TEAD1: variants seen among roughly 807,000 people sequenced by gnomAD.
TEAD1 encodes transcriptional enhancer factor TEF-1.
In TEAD1, 9 loss-of-function variants were observed where a neutral mutation model predicts 54.9. The ratio of observed to expected loss-of-function variants is 0.16; its 90% confidence interval spans 0.10 to 0.29. The LOEUF is 0.29. TEAD1 is among the 10% of genes least tolerant of loss of function. The pLI, the probability that TEAD1 is intolerant of heterozygous loss-of-function variation, is 1.00. For synonymous variants in TEAD1, 200 were observed against 187.8 expected (o/e 1.07, Z -0.53); for missense variants, 387 against 535.9 (o/e 0.72, Z 2.74).
chr11:12,685,401 A>G (rs1324737636), intron 2 of TEAD1, among the ~76,000 whole-genome samples: 11 of 152,192 alleles, frequency 7.2e-5, no homozygotes, highest in Admixed American at 7.2e-4. Context: ...CAAAAGGGTG[A>G]ACTTTATGGT....
At chr11:12,677,625 C>T (rs954853919) in intron 2 of TEAD1, among the ~76,000 whole-genome samples, 2 of 152,066 alleles carry the variant, frequency 1.3e-5, no homozygotes, top group Admixed American at 6.5e-5. Context: ...CATTTCTTAA[C>T]GGGAACGTTT....
At chr11:12,877,049 T>C (rs1174498983) in intron 5 of TEAD1, among the ~76,000 whole-genome samples, 1 of 151,882 alleles carries the variant, frequency 6.6e-6, no homozygotes, top group Non-Finnish European at 1.5e-5. Context: ...ATGTTTCAAA[T>C]CTTAAAAAAA....
chr11:12,887,183 G>A (rs531689970), intron 9 of TEAD1, among the ~76,000 whole-genome samples: 7 of 145,454 alleles, frequency 4.8e-5, no homozygotes, highest in African/African-American at 1.5e-4. Flanking sequence ...TGCAAGCTCC[G>A]CCTCCCAGGT....
At chr11:12,781,968 A>AAG (rs1945558433) in intron 3 of TEAD1, among the ~76,000 whole-genome samples, 1 of 135,544 alleles carries the variant, frequency 7.4e-6, no homozygotes, top group African/African-American at 3.7e-5. Flanking sequence ...AAAAAAAAAA[A>AAG]AAAGAAAGAA....
chr11:12,860,108 G>A (rs2134064654), intron 3 of TEAD1, among the ~76,000 whole-genome samples: 1 of 152,276 alleles, frequency 6.6e-6, no homozygotes, highest in East Asian at 1.9e-4. Flanking sequence ...AAGTAACACA[G>A]GAGGTTTAGC....
At chr11:12,876,753 T>TGG (rs1947861190) in intron 5 of TEAD1, among the ~76,000 whole-genome samples, 1 of 152,156 alleles carries the variant, frequency 6.6e-6, no homozygotes, top group Non-Finnish European at 1.5e-5. Context: ...TTGAGTGGCT[T>TGG]GGGGGCTGGA....
intron 3 of TEAD1, among the ~76,000 whole-genome samples, chr11:12,802,329 G>C (rs960117356): frequency 1.3e-5 from 2 of 152,038 alleles, no homozygotes; most frequent in Admixed American, 1.3e-4. Flanking sequence ...TCGAAATATG[G>C]AATAATGATG....
intron 2 of TEAD1, among the ~76,000 whole-genome samples, chr11:12,721,764 T>C (rs1306907601): frequency 2.0e-5 from 3 of 152,334 alleles, no homozygotes; most frequent in Middle Eastern, 3.4e-3. Context: ...CCTAACTCTT[T>C]AGGGTTAAAT....
At chr11:12,908,057 C>T (rs753744852) in intron 10 of TEAD1, among the ~76,000 whole-genome samples, 3 of 152,140 alleles carry the variant, frequency 2.0e-5, no homozygotes, top group African/African-American at 7.2e-5. Flanking sequence ...TTATTATGTT[C>T]TGATTTTTTT....
At chr11:12,850,152 T>TG (rs1947243004) in intron 3 of TEAD1, among the ~76,000 whole-genome samples, 1 of 152,186 alleles carries the variant, frequency 6.6e-6, no homozygotes, top group Non-Finnish European at 1.5e-5. Flanking sequence ...GTTAAAGAAC[T>TG]GGGCCAGGTG....
At chr11:12,797,245 G>C (rs1263873210) in intron 3 of TEAD1, among the ~76,000 whole-genome samples, 3 of 152,166 alleles carry the variant, frequency 2.0e-5, no homozygotes, top group Non-Finnish European at 2.9e-5. Context: ...ATTGTGTTCA[G>C]ACCATCTTGC....
At chr11:12,861,365 T>C (rs547609976) in intron 3 of TEAD1, among the ~76,000 whole-genome samples, 2 of 152,236 alleles carry the variant, frequency 1.3e-5, no homozygotes, top group Non-Finnish European at 2.9e-5. Context: ...CCCCAGAAGG[T>C]TATATAACTT....
At chr11:12,687,485 T>C (rs1943358255) in intron 2 of TEAD1, among the ~76,000 whole-genome samples, 1 of 152,232 alleles carries the variant, frequency 6.6e-6, no homozygotes, top group Admixed American at 6.5e-5. Context: ...ATCACACAGC[T>C]GCACTTTAAA....
chr11:12,859,709 T>C (rs1455093912), intron 3 of TEAD1, among the ~76,000 whole-genome samples: 2 of 152,158 alleles, frequency 1.3e-5, no homozygotes, highest in African/African-American at 4.8e-5. Flanking sequence ...TGAGAAGATC[T>C]TGCAGGCAGG....
intron 2 of TEAD1, among the ~76,000 whole-genome samples, chr11:12,702,256 A>G (rs1943719479): frequency 6.6e-6 from 1 of 152,180 alleles, no homozygotes; most frequent in Admixed American, 6.5e-5. Flanking sequence ...GTATCAGGCC[A>G]CAGCGGTGCA....
At chr11:12,885,525 C>G (rs1242887625) in intron 9 of TEAD1, among the ~76,000 whole-genome samples, 1 of 152,062 alleles carries the variant, frequency 6.6e-6, no homozygotes, top group Non-Finnish European at 1.5e-5. Context: ...GCGTGAGGCA[C>G]CGCACCCGGG....
intron 2 of TEAD1, among the ~76,000 whole-genome samples, chr11:12,697,238 T>A (rs1214671872): frequency 1.4e-5 from 2 of 144,202 alleles, no homozygotes; most frequent in African/African-American, 5.0e-5. Context: ...CTGTGATAAA[T>A]CTGAAAAATA....
intron 10 of TEAD1, among the ~76,000 whole-genome samples, chr11:12,914,306 T>A (rs994125075): frequency 6.6e-6 from 1 of 152,196 alleles, no homozygotes; most frequent in Non-Finnish European, 1.5e-5. Flanking sequence ...GTGGTGTTTT[T>A]AAAAATCTTC....
At chr11:12,896,588 T>C (rs1330508100) in intron 9 of TEAD1, among the ~76,000 whole-genome samples, 7 of 152,238 alleles carry the variant, frequency 4.6e-5, no homozygotes, top group Non-Finnish European at 8.8e-5. Context: ...ATTTTCTCCT[T>C]GCTAATGAAC....
Sources: gnomAD v4.1 joint callset for allele counts (sites outside exome capture counted in the v4.1 genomes callset) on GRCh38, gnomAD v4.1.1 for gene constraint, MANE v1.5 for transcripts, NCBI Gene and HGNC (gene_info 2026-07-23, HGNC 2026-07-21) for gene names.